The following CRHR2 variants were observed in gnomAD, a reference collection of about 807,000 sequenced individuals.
CRHR2 encodes corticotropin releasing hormone receptor 2.
CRHR2 carries 53 observed loss-of-function variants against 57.9 expected under a neutral mutation model. The ratio of observed to expected loss-of-function variants is 0.92; its 90% CI spans 0.73 to 1.15. The LOEUF is 1.15. Ranked by LOEUF, CRHR2 falls within the 50% of genes most tolerant of loss-of-function variation. The probability of loss-of-function intolerance (pLI) is 0.00; values close to 1 mark genes in which losing one functional copy is unlikely to be tolerated. For synonymous variants in CRHR2, 213 were observed against 220.9 expected, an observed-to-expected ratio of 0.96 and a Z score of 0.32; for missense variants, 532 against 542.6, an observed-to-expected ratio of 0.98 and a Z score of 0.19.
intron 11 of CRHR2, among the ~76,000 whole-genome samples, chr7:30,654,448 C>T (rs1370732094): frequency 3.3e-5 from 5 of 152,188 alleles, no homozygotes; most frequent in South Asian, 2.1e-4. Flanking sequence ...CTGGAGTGTT[C>T]GGAAGCTCCC....
At chr7:30,696,497 G>A (rs1785060694) in intron 1 of CRHR2, among the ~76,000 whole-genome samples, 1 of 152,178 alleles carries the variant, frequency 6.6e-6, no homozygotes, top group Non-Finnish European at 1.5e-5. Flanking sequence ...CGAGGTGGGT[G>A]GATCATGAGG....
intron 2 of CRHR2, among the ~76,000 whole-genome samples, chr7:30,677,376 TG>T (rs1784551009): frequency 6.6e-6 from 1 of 150,618 alleles, no homozygotes; most frequent in Admixed American, 6.6e-5. Context: ...TGGGGAGAGG[TG>T]GGAGGAAAAT....
At chr7:30,684,724 A>T (rs193202362), upstream of CRHR2, among the ~76,000 whole-genome samples, 1 of 152,320 alleles carries the variant, frequency 6.6e-6, no homozygotes, top group Non-Finnish European at 1.5e-5. Context: ...TCTTATTATT[A>T]TAGGCACAGT....
chr7:30,666,223 T>C (rs964135044), intron 3 of CRHR2, among the ~76,000 whole-genome samples: 1 of 152,008 alleles, frequency 6.6e-6, no homozygotes, highest in Admixed American at 6.5e-5. Flanking sequence ...CCATCCTACC[T>C]AAGAAGCAAT....
intron 5 of CRHR2, 90 bp downstream of exon 5, chr7:30,664,980 A>T: frequency 2.0e-6 from 2 of 1,000,910 alleles, no homozygotes; most frequent in Non-Finnish European, 3.2e-6. Flanking sequence ...CTGACAAAGG[A>T]GGGGTCCAAG....
chr7:30,677,964 G>C (rs1228885836), intron 2 of CRHR2, among the ~76,000 whole-genome samples: 1 of 152,242 alleles, frequency 6.6e-6, no homozygotes, highest in South Asian at 2.1e-4. Context: ...CAGCTACTCG[G>C]GAGGCTGAGG....
chr7:30,659,218 G>A (rs1049551827), intron 8 of CRHR2, among the ~76,000 whole-genome samples: 2 of 152,250 alleles, frequency 1.3e-5, no homozygotes, highest in Non-Finnish European at 2.9e-5. Flanking sequence ...GAGCACAGAC[G>A]CAGGGGTGGA....
At chr7:30,688,976 C>A in intron 2 of CRHR2, 1 of 649,028 alleles carries the variant, frequency 1.5e-6, no homozygotes. Context: ...GGCCTCCCAG[C>A]CAAGCCCTTC....
At chr7:30,689,825 A>C (rs1784926000) in intron 1 of CRHR2, among the ~76,000 whole-genome samples, 1 of 152,218 alleles carries the variant, frequency 6.6e-6, no homozygotes, top group Non-Finnish European at 1.5e-5. Flanking sequence ...AGGCACTTGC[A>C]ACGAAGAGCA....
chr7:30,688,771 G>A (rs1784902895), intron 2 of CRHR2: 9 of 456,650 alleles, frequency 2.0e-5, no homozygotes, highest in South Asian at 1.1e-4. Context: ...AACCTCTGAG[G>A]GGCCAGAACT....
At chr7:30,677,033 A>C (rs925655023) in intron 2 of CRHR2, among the ~76,000 whole-genome samples, 1 of 152,298 alleles carries the variant, frequency 6.6e-6, no homozygotes, top group East Asian at 1.9e-4. Flanking sequence ...AAAATGGACC[A>C]TGGCCAGGAG....
At chr7:30,677,418 C>A (rs1784551978) in intron 2 of CRHR2, among the ~76,000 whole-genome samples, 1 of 152,108 alleles carries the variant, frequency 6.6e-6, no homozygotes, top group Non-Finnish European at 1.5e-5. Flanking sequence ...CTGGCCAAAC[C>A]ACTTCCATGC....
Position 30,653,746 on chromosome 7 carries a change from A to T in CRHR2, c.1096-146T>A. On this transcript the variant is annotated intron_variant, in intron 11 of 11. Coordinates refer to ENST00000471646, the MANE Select transcript of CRHR2 (RefSeq NM_001883.5). The surrounding 1 kb of genome is among the most constrained non-coding windows in gnomAD (Gnocchi z 5.0). ...TGCTTCCAAAACAGGTCCTTCCCTG[A>T]TGCTGTTGCCTCTCTCCAGGGGCCT... is the stretch of plus-strand genomic sequence containing the variant. 2 of 977,378 alleles carry T rather than the reference A, an allele frequency of 2.0e-6. No individual in the cohort carries two copies. Among genetic ancestry groups the T allele is most frequent in the Non-Finnish European group, 2.9e-6 (2 of 685,556 alleles). 60.5% of individuals were successfully genotyped at this position (977,378 alleles called of 1,614,324 possible). A position where few individuals can be genotyped will look rare whatever the true frequency, so the allele number is the denominator to read the frequency against.
intron 6 of CRHR2, 44 bp from the exon 7 acceptor site, chr7:30,662,260 G>A (rs767515718): frequency 1.2e-6 from 2 of 1,605,330 alleles, no homozygotes; most frequent in Admixed American, 1.7e-5. Context: ...AGATGGACAG[G>A]GACTTTCTTG....
chr7:30,659,993 G>A lies in CRHR2; in HGVS notation c.831+580C>T, dbSNP rs889184438. On this transcript the variant is annotated intron_variant, in intron 8 of 11. Transcript: ENST00000471646. ...ATATAATGGGTTCCTTTTGCAGAAT[G>A]CAGCCTCTACTTGAACTCTCTCTTA... is the stretch of plus-strand genomic sequence containing the variant. Among the ~76,000 whole-genome samples, 6 of 152,234 alleles carry A rather than the reference G, an allele frequency of 3.9e-5. 1 individual carries two copies. In the South Asian group the frequency reaches 8.3e-4, roughly 21 times the overall value.
Position 30,655,640 on chromosome 7 carries a change from C to G in CRHR2, c.993G>C (p.Gly331=). The G allele has an allele frequency of 6.2e-7, 1 of 1,614,144 alleles. No homozygotes were observed. ...ACATGATCTGTGACAGGTCGTCCTC[C>G]CCGGGATTGACGAAGAAGAGCATGT... ...ITYMLFFVNP[G]EDDLSQIMFI... is the part of the protein sequence containing the mutation. The change falls in exon 10 of 12, where the codon GGG becomes GGC. Residue 331 remains glycine, a synonymous_variant. Coordinates refer to ENST00000471646, the MANE Select transcript of CRHR2 (RefSeq NM_001883.5).
intron 1 of CRHR2, among the ~76,000 whole-genome samples, chr7:30,694,532 C>G (rs115624988): frequency 4.9e-4 from 74 of 152,302 alleles, no homozygotes; most frequent in African/African-American, 1.8e-3. Flanking sequence ...CTAAATTTAG[C>G]CCATGGTATA....
intron 5 of CRHR2, among the ~76,000 whole-genome samples, chr7:30,664,624 C>T (rs1784117358): frequency 6.6e-6 from 1 of 152,100 alleles, no homozygotes; most frequent in South Asian, 2.1e-4. Flanking sequence ...CTTCCTGCTC[C>T]TCCCAGCCCA....
intron 1 of CRHR2, among the ~76,000 whole-genome samples, chr7:30,696,449 C>T (rs561192841): frequency 1.4e-4 from 22 of 152,128 alleles, no homozygotes; most frequent in African/African-American, 5.1e-4. Flanking sequence ...AGGCCAGGCG[C>T]GGTGGTTCAC....
Sources: gnomAD v4.1 joint callset for allele counts (sites outside exome capture counted in the v4.1 genomes callset) on GRCh38, gnomAD v4.1.1 for gene constraint, Gnocchi (gnomAD v3.1) non-coding constraint, MANE v1.5 for transcripts, NCBI Gene and HGNC (gene_info 2026-07-23, HGNC 2026-07-21) for gene names.